The following WLS variants were observed in gnomAD, a reference collection of about 807,000 sequenced individuals.
WLS encodes protein wntless homolog.
WLS carries 23 observed loss-of-function variants against 62.8 expected under a neutral mutation model. That is an observed-to-expected ratio of 0.37 (90% CI 0.26 to 0.52). The LOEUF is 0.52. Ranked by LOEUF, WLS falls within the 20% of genes least tolerant of loss-of-function variation. WLS has a pLI of 0.92. For synonymous variants in WLS, 246 were observed against 244.1 expected, an observed-to-expected ratio of 1.01 and a Z score of -0.07; for missense variants, 615 against 697.3, an observed-to-expected ratio of 0.88 and a Z score of 1.33.
At chr1:68,098,734 T>C in exon 12 of WLS, 1 of 1,613,756 alleles carries the variant, frequency 6.2e-7, no homozygotes, top group Non-Finnish European at 8.5e-7. Context: ...CTTCCCTCGA[T>C]TTACATGGGA....
chr1:68,158,415 C>T (rs574270059), intron 3 of WLS, among the ~76,000 whole-genome samples: 8 of 152,178 alleles, frequency 5.3e-5, no homozygotes, highest in South Asian at 4.2e-4. Context: ...GGTTAATATC[C>T]GCTTTGACTC....
At chr1:68,113,016 C>T (rs1042948659) in intron 11 of WLS, among the ~76,000 whole-genome samples, 20 of 152,316 alleles carry the variant, frequency 1.3e-4, no homozygotes, top group African/African-American at 2.6e-4. Context: ...TGGCTTGGAA[C>T]GCCTTGGCCC....
chr1:68,103,697 G>T (rs1300263759), intron 11 of WLS, among the ~76,000 whole-genome samples: 2 of 152,280 alleles, frequency 1.3e-5, no homozygotes, highest in African/African-American at 4.8e-5. Flanking sequence ...AGAGGCCAGG[G>T]TGGTCTAAGC....
chr1:68,182,306 A>G (rs1027322049), intron 2 of WLS, among the ~76,000 whole-genome samples: 11 of 152,244 alleles, frequency 7.2e-5, no homozygotes, highest in Admixed American at 2.0e-4. Flanking sequence ...ATGTTGTCCA[A>G]GTAATGTGCT....
intron 2 of WLS, among the ~76,000 whole-genome samples, chr1:68,175,402 C>G (rs776537467): frequency 1.3e-5 from 2 of 152,178 alleles, no homozygotes; most frequent in Non-Finnish European, 2.9e-5. Flanking sequence ...AGTACTTTCC[C>G]CTTATGTCTC....
intron 1 of WLS, among the ~76,000 whole-genome samples, chr1:68,221,111 T>C (rs1380035446): frequency 2.0e-5 from 3 of 152,214 alleles, no homozygotes; most frequent in African/African-American, 7.2e-5. Flanking sequence ...ATCTTTTTTT[T>C]CTCTTTCATC....
At chr1:68,105,665 A>G (rs568708386) in intron 11 of WLS, among the ~76,000 whole-genome samples, 74 of 152,330 alleles carry the variant, frequency 4.9e-4, no homozygotes, top group African/African-American at 1.7e-3. Flanking sequence ...CCTACCACGT[A>G]TAAATGGGAA....
At chr1:68,099,652 T>TA (rs1404953261) in intron 11 of WLS, 1 of 152,190 alleles carries the variant, frequency 6.6e-6, no homozygotes, top group African/African-American at 2.4e-5. Flanking sequence ...CCTAATACAA[T>TA]ATAAAGGCTA....
At chr1:68,158,588 G>T (rs114468748) in intron 3 of WLS, among the ~76,000 whole-genome samples, 2,171 of 149,230 alleles carry the variant, frequency 0.015, 27 homozygotes, top group Non-Finnish European at 0.022. Flanking sequence ...TAGCTGATGA[G>T]CTAAAAAAAA....
intron 2 of WLS, among the ~76,000 whole-genome samples, chr1:68,193,255 T>C (rs1570988330): frequency 6.6e-6 from 1 of 151,060 alleles, no homozygotes. Context: ...AAACAAAAAG[T>C]TTTCTTACTT....
At chr1:68,132,713 A>T (rs1012088293) in intron 11 of WLS, among the ~76,000 whole-genome samples, 7 of 152,190 alleles carry the variant, frequency 4.6e-5, no homozygotes, top group Admixed American at 2.0e-4. Flanking sequence ...ACAGTCATCT[A>T]GTTGGGAATT....
At chr1:68,227,129 T>A (rs2100671256) in intron 1 of WLS, among the ~76,000 whole-genome samples, 1 of 152,334 alleles carries the variant, frequency 6.6e-6, no homozygotes, top group East Asian at 1.9e-4. Context: ...CCGGGCATCT[T>A]GTGCCTGTAA....
chr1:68,102,399 G>A (rs269347), intron 11 of WLS, among the ~76,000 whole-genome samples: 2 of 151,750 alleles, frequency 1.3e-5, no homozygotes, highest in Non-Finnish European at 2.9e-5. Context: ...CCGTTGAATC[G>A]TAGCCTGGGA....
At chr1:68,134,196 G>C (rs979247532) in intron 11 of WLS, among the ~76,000 whole-genome samples, 4 of 152,170 alleles carry the variant, frequency 2.6e-5, no homozygotes, top group Admixed American at 6.5e-5. Flanking sequence ...GTCTTTCCAA[G>C]GAACTTCGAA....
intron 6 of WLS, among the ~76,000 whole-genome samples, chr1:68,149,445 C>T (rs1201584907): frequency 2.6e-5 from 4 of 152,216 alleles, no homozygotes; most frequent in Admixed American, 2.6e-4. Context: ...TGCTCTCACA[C>T]TGCTCTCCTG....
chr1:68,226,522 T>C (rs1184246625), intron 1 of WLS, among the ~76,000 whole-genome samples: 3 of 152,250 alleles, frequency 2.0e-5, no homozygotes, highest in African/African-American at 7.2e-5. Context: ...AATTAGTTGA[T>C]GGTATAATTA....
chr1:68,117,206 A>G (rs1646304041), intron 11 of WLS, among the ~76,000 whole-genome samples: 1 of 152,180 alleles, frequency 6.6e-6, no homozygotes. Context: ...TATCTGTACA[A>G]TTGCAGCTTG....
chr1:68,100,340 T>C (rs1464532756), intron 11 of WLS, among the ~76,000 whole-genome samples: 1 of 152,118 alleles, frequency 6.6e-6, no homozygotes, highest in African/African-American at 2.4e-5. Context: ...TGTCTCTCCT[T>C]CCCAGAGTGT....
intron 1 of WLS, among the ~76,000 whole-genome samples, chr1:68,223,261 T>G (rs141185174): frequency 1.2e-4 from 19 of 152,362 alleles, no homozygotes; most frequent in African/African-American, 4.3e-4. Context: ...TGTTCTTATT[T>G]GTTAGTTTTC....
Sources: allele counts gnomAD v4.1 joint callset (sites outside exome capture counted in the v4.1 genomes callset), GRCh38; gene constraint gnomAD v4.1.1; transcripts MANE v1.5; gene names NCBI Gene and HGNC (gene_info 2026-07-23, HGNC 2026-07-21).